CLEC18C: variants seen among roughly 807,000 people sequenced by gnomAD.
The protein encoded by CLEC18C is C-type lectin domain family 18 member C.
In CLEC18C, 2 loss-of-function variants were observed where a neutral mutation model predicts 27.2. That is an observed-to-expected ratio of 0.07 (90% CI 0.03 to 0.23). The LOEUF (loss-of-function observed/expected upper bound fraction) is 0.23. CLEC18C is among the 10% of genes least tolerant of loss of function. The pLI is 1.00. For synonymous variants in CLEC18C, 13 were observed against 112.8 expected (o/e 0.12, Z 5.61); for missense variants, 31 against 269.0 (o/e 0.12, Z 6.19).
intron 4 of CLEC18C, among the ~76,000 whole-genome samples, chr16:70,179,201 C>T (rs1968380137): frequency 1.6e-5 from 2 of 127,588 alleles, no homozygotes; most frequent in South Asian, 2.2e-4. Flanking sequence ...AAAGTGCTTA[C>T]GCCAACTGTG....
chr16:70,174,439 C>G lies in CLEC18C; in HGVS notation c.124+37C>G, dbSNP rs1008411889. ...CTGGTGAGGAGGTAGGTGGAGGCAC[C>G]ATTATGAGCTCTGAGGAGTGGGTGC... On this transcript the variant is annotated intron_variant, in intron 2 of 12. Transcript: ENST00000541793. The G allele has an allele frequency of 1.2e-5, 16 of 1,303,166 alleles. 3 individuals are homozygous for G. The Admixed American group carries it at 3.2e-4, about 26-fold the overall frequency. 80.7% of individuals were successfully genotyped at this position (1,303,166 alleles called of 1,614,324 possible). A position where few individuals can be genotyped will look rare whatever the true frequency, so the allele number is the denominator to read the frequency against.
rs1270354117 is a variant in CLEC18C at position 70,185,995 on chromosome 16, C to T, written c.1303+19C>T. 4 of 1,467,860 alleles carry T rather than the reference C, an allele frequency of 2.7e-6. No individual in the cohort carries two copies. The highest frequency in any genetic ancestry group is 2.8e-6 in the Non-Finnish European group (3 of 1,064,560). 90.9% of individuals were successfully genotyped at this position (1,467,860 alleles called of 1,614,324 possible). ...CAGTTTGGTGAGGGACTTCCTGAGG[C>T]TCCCCTTCTCTGATCTCTGACCCTG... is the stretch of plus-strand genomic sequence containing the variant. On this transcript the variant is annotated intron_variant, in intron 12 of 12. Transcript: ENST00000541793.
At chr16:70,175,167 C>T in intron 3 of CLEC18C, 129 bp downstream of exon 3, 1 of 320,106 alleles carries the variant, frequency 3.1e-6, no homozygotes. Context: ...CACAGCCAGC[C>T]ACCTTGCCCC....
At chr16:70,186,023 G>T (rs2550532) in intron 12 of CLEC18C, 47 bp downstream of exon 12, 1 of 1,446,774 alleles carries the variant, frequency 6.9e-7, no homozygotes, top group Non-Finnish European at 9.5e-7. Context: ...TGACCCTGGG[G>T]GTGCTGCTGA....
chr16:70,177,677 C>G lies in CLEC18C; in HGVS notation c.456+197C>G, dbSNP rs1319832288. Among the ~76,000 whole-genome samples the G allele has an allele frequency of 1.8e-5, 2 of 112,388 alleles. 1 individual carries two copies. The highest frequency in any genetic ancestry group is 3.8e-5 in the Non-Finnish European group (2 of 52,290). The allele number at this position is 112,388 out of a possible 152,430, so 73.7% of individuals were successfully genotyped here. A position where few individuals can be genotyped will look rare whatever the true frequency, so the allele number is the denominator to read the frequency against. Reference sequence around the variant, plus strand: ...AGAGTGCAGTGGCGTGATCTCGGCTCACTGCAACCTCCGCCTCCTGGACTC... The same window carrying G: ...AGAGTGCAGTGGCGTGATCTCGGCTGACTGCAACCTCCGCCTCCTGGACTC... On this transcript the variant is annotated intron_variant, in intron 4 of 12. Coordinates refer to ENST00000541793, the MANE Select transcript of CLEC18C (RefSeq NM_173619.4).
At chr16:70,186,135 T>TCCTTGTAC (rs1404066487) in intron 12 of CLEC18C, among the ~76,000 whole-genome samples, 159 bp downstream of exon 12, 3 of 139,198 alleles carry the variant, frequency 2.2e-5, no homozygotes, top group Non-Finnish European at 4.6e-5. Context: ...ACCTGTGGGC[T>TCCTTGTAC]CCTGAGCCCA....
At chr16:70,175,590 G>A (rs994293801) in intron 3 of CLEC18C, among the ~76,000 whole-genome samples, 6 of 125,544 alleles carry the variant, frequency 4.8e-5, no homozygotes, top group African/African-American at 8.8e-5. Flanking sequence ...CCACCAGCCC[G>A]GCTGGGGCTG....
At chr16:70,179,370 C>T (rs1284591374) in intron 4 of CLEC18C, among the ~76,000 whole-genome samples, 1 of 113,392 alleles carries the variant, frequency 8.8e-6, no homozygotes, top group African/African-American at 3.9e-5. Flanking sequence ...CACCATTCTC[C>T]TGCCTCAGCC....
chr16:70,173,899 G>A lies in CLEC18C; in HGVS notation c.-159G>A, dbSNP rs541360631. On this transcript the variant is annotated 5_prime_UTR_variant, in exon 1 of 13. Coordinates refer to ENST00000541793, the MANE Select transcript of CLEC18C (RefSeq NM_173619.4). The stretch of plus-strand genomic sequence containing the variant: ...GAGGACACTGTCCCAGCCAGGACAC[G>A]GCCATCGGTCACTAATCTGCAGCAC... 5 of 296,066 alleles carry A rather than the reference G, an allele frequency of 1.7e-5. No individual in the cohort carries two copies. The highest frequency in any genetic ancestry group is 1.5e-4 in the South Asian group (5 of 32,350). 18.3% of individuals were successfully genotyped at this position (296,066 alleles called of 1,614,324 possible).
chr16:70,186,047 G>A, intron 12 of CLEC18C, 71 bp downstream of exon 12: 1 of 1,505,486 alleles, frequency 6.6e-7, no homozygotes, highest in South Asian at 1.1e-5. Flanking sequence ...GGTCCAGCCT[G>A]CAAGGGTATC....
chr16:70,177,607 AC>A, intron 4 of CLEC18C, 127 bp downstream of exon 4: 1 of 1,125,746 alleles, frequency 8.9e-7, no homozygotes, highest in Non-Finnish European at 1.2e-6. Context: ...GTTTAGTTTT[AC>A]TTTTTTTTTT....
At chr16:70,179,250 T>C (rs1968382862) in intron 4 of CLEC18C, among the ~76,000 whole-genome samples, 1 of 135,106 alleles carries the variant, frequency 7.4e-6, no homozygotes, top group Non-Finnish European at 1.6e-5. Context: ...GAAGATCTTC[T>C]GGCTCCTTAA....
intron 11 of CLEC18C, 29 bp from the exon 12 acceptor site, chr16:70,185,856 C>T (rs763948795): frequency 1.3e-6 from 2 of 1,509,990 alleles, no homozygotes; most frequent in East Asian, 5.1e-5. Flanking sequence ...TTCACTCTTG[C>T]CTCCTGACCA....
Position 70,173,876 on chromosome 16 carries a change from G to T in CLEC18C, c.-182G>T, listed in dbSNP as rs1968176219. On this transcript the variant is annotated 5_prime_UTR_variant, in exon 1 of 13. In the 5' UTR this introduces an upstream ATG that the reference lacks. Transcript: ENST00000541793. ...AGCGGAAGCCATCAGTGGGCTCGGA[G>T]GACACTGTCCCAGCCAGGACACGGC... 3 of 236,272 alleles carry T rather than the reference G, an allele frequency of 1.3e-5. No homozygotes were observed. The highest frequency in any genetic ancestry group is 7.2e-5 in the African/African-American group (3 of 41,854). The allele number at this position is 236,272 out of a possible 1,614,324, so 14.6% of individuals were successfully genotyped here. A position where few individuals can be genotyped will look rare whatever the true frequency, so the allele number is the denominator to read the frequency against.
intron 4 of CLEC18C, among the ~76,000 whole-genome samples, chr16:70,179,149 T>G (rs62052613): frequency 1.3e-5 from 1 of 74,446 alleles, no homozygotes; most frequent in South Asian, 3.4e-4. Context: ...AACCCTGGCT[T>G]AGTAAAAAGA....
At chr16:70,175,575 G>A (rs2549605) in intron 3 of CLEC18C, among the ~76,000 whole-genome samples, 3,522 of 101,458 alleles carry the variant, frequency 0.035, 159 homozygotes, top group African/African-American at 0.1. Context: ...GGGGTATAGA[G>A]TTCCCCACCA....
At chr16:70,178,073 A>AT (rs1460997052) in intron 4 of CLEC18C, among the ~76,000 whole-genome samples, 1 of 43,416 alleles carries the variant, frequency 2.3e-5, no homozygotes, top group South Asian at 5.7e-4. Flanking sequence ...CACCCAGCTC[A>AT]TTTTTTTGTA....
intron 3 of CLEC18C, among the ~76,000 whole-genome samples, 185 bp downstream of exon 3, chr16:70,175,223 A>C (rs1968239361): frequency 9.9e-6 from 1 of 101,456 alleles, no homozygotes; most frequent in African/African-American, 4.9e-5. Flanking sequence ...CAGTTTCTTA[A>C]CCCCCCACCC....
At position 70,178,370 on chromosome 16, in the gene CLEC18C, C is replaced by T. The variant is rs1376826169; in HGVS notation, c.456+890C>T. ...CTCCCAGATTCAGGTGACTGTCCTG[C>T]CTCAGCCTCCCAAGTAGCTAGGACT... On this transcript the variant is annotated intron_variant, in intron 4 of 12. Coordinates refer to ENST00000541793, the MANE Select transcript of CLEC18C (RefSeq NM_173619.4). Among the ~76,000 whole-genome samples the T allele has an allele frequency of 5.9e-5, 8 of 135,362 alleles. 1 individual carries two copies. The highest frequency in any genetic ancestry group is 1.1e-4 in the Non-Finnish European group (7 of 62,288). The allele number at this position is 135,362 out of a possible 152,430, so 88.8% of individuals were successfully genotyped here. A position where few individuals can be genotyped will look rare whatever the true frequency, so the allele number is the denominator to read the frequency against.
Sources: allele counts gnomAD v4.1 joint callset (sites outside exome capture counted in the v4.1 genomes callset), GRCh38; gene constraint gnomAD v4.1.1; transcripts MANE v1.5; gene names NCBI Gene and HGNC (gene_info 2026-07-23, HGNC 2026-07-21).